Variants in DNAH6 observed in about 807,000 individuals in gnomAD.
DNAH6 encodes the protein axonemal beta dynein heavy chain 6.
A neutral mutation model predicts 491.4 loss-of-function variants in DNAH6; 340 were observed. The observed-to-expected ratio is 0.69, with a 90% CI of 0.63 to 0.76. The LOEUF is 0.76. Among genes scored for constraint, DNAH6 ranks in the 30% least tolerant of loss-of-function variants. The pLI, the probability that DNAH6 is intolerant of heterozygous loss-of-function variation, is 0.00. For synonymous variants in DNAH6, 1,603 were observed against 1,686.1 expected (o/e 0.95, Z 1.21); for missense variants, 4,443 against 4,972.2 (o/e 0.89, Z 3.20).
chr2:84,730,116 G>A (rs1699003951), intron 61 of DNAH6, among the ~76,000 whole-genome samples: 1 of 152,176 alleles, frequency 6.6e-6, no homozygotes, highest in Non-Finnish European at 1.5e-5. Flanking sequence ...ATCTGGAGTT[G>A]ACTGGATGCA....
intron 59 of DNAH6, among the ~76,000 whole-genome samples, chr2:84,721,686 A>C (rs1698178865): frequency 6.6e-6 from 1 of 152,192 alleles, no homozygotes; most frequent in Admixed American, 6.5e-5. Context: ...TTTTATCTTT[A>C]ATAAATTTAG....
chr2:84,727,862 A>C lies in DNAH6; in HGVS notation c.10166A>C (p.Glu3389Ala). The C allele has an allele frequency of 6.4e-7, 1 of 1,552,070 alleles. No individual in the cohort carries two copies. The highest frequency in any genetic ancestry group is 1.7e-4 in the Middle Eastern group (1 of 5,994). ...MRQQGTLSDA[E>A]WNFFLRGSAG... ...CAGCAAGGAACCCTATCTGATGCTG[A>C]ATGGAATTTCTTTCTCCGAGGTTCT... The change falls in exon 61 of 77, where the codon GAA (glutamate) becomes GCA (alanine). Residue 3389 changes from glutamate (E) to alanine (A), a missense_variant. Glu to Ala is a moderately radical substitution (Grantham distance 107). Coordinates refer to ENST00000389394, the MANE Select transcript of DNAH6 (RefSeq NM_001370.2).
chr2:84,547,168 G>T, intron 5 of DNAH6, 100 bp from the exon 6 acceptor site: 2 of 976,342 alleles, frequency 2.0e-6, no homozygotes, highest in Non-Finnish European at 1.5e-6. Flanking sequence ...ACACACAGAG[G>T]TGTTTATTAT....
chr2:84,605,378 AG>A, intron 19 of DNAH6, 121 bp from the exon 20 acceptor site: 1 of 579,166 alleles, frequency 1.7e-6, no homozygotes, highest in Non-Finnish European at 2.9e-6. Flanking sequence ...AAAGAATTTT[AG>A]AGAGCAATAA....
chr2:84,683,424 T>A lies in DNAH6; in HGVS notation c.6916+1896T>A, dbSNP rs867254521. On this transcript the variant is annotated intron_variant, in intron 42 of 76. Coordinates refer to ENST00000389394, the MANE Select transcript of DNAH6 (RefSeq NM_001370.2). Reference sequence around the variant, plus strand: ...CTACACCACTCTTATTTTTTTTTTTTTTTTTTTTTTTTTTTGAGATAGAGT... The same window carrying A: ...CTACACCACTCTTATTTTTTTTTTTATTTTTTTTTTTTTTTGAGATAGAGT... Among the ~76,000 whole-genome samples, 550 of 146,006 alleles carry A rather than the reference T, an allele frequency of 3.8e-3. 5 individuals are homozygous for A. The highest frequency in any genetic ancestry group is 0.013 in the African/African-American group (514 of 38,886).
chr2:84,656,813 G>A (rs1289994080), intron 35 of DNAH6, among the ~76,000 whole-genome samples: 1 of 151,826 alleles, frequency 6.6e-6, no homozygotes, highest in Non-Finnish European at 1.5e-5. Context: ...TCTCTTAACA[G>A]TGTGTTTCAC....
chr2:84,504,572 T>G, the DNAH6 span, among the ~76,000 whole-genome samples: 13 of 152,292 alleles, frequency 8.5e-5, no homozygotes, highest in African/African-American at 2.6e-4. Context: ...TCCAGATATT[T>G]GAAAGGACTT....
At position 84,762,903 on chromosome 2, in the gene DNAH6, G is replaced by A. The variant is rs1674724901; in HGVS notation, c.10661G>A (p.Gly3554Asp). 1.9e-6 allele frequency: 3 copies of A among 1,551,412 alleles called. No homozygotes were observed. The highest frequency in any genetic ancestry group is 2.4e-5 in the South Asian group (2 of 84,030). ...CTAAGCACAGGCTCAGATCCCATGG[G>A]TGCATTTCAGAGGTTTGCCAGGGAA... ...FILSTGSDPMGAFQRFARESG... is the reference protein window; with the variant it reads ...FILSTGSDPMDAFQRFARESG... The change falls in exon 64 of 77, where the codon GGT (glycine) becomes GAT (aspartate). Residue 3554 changes from glycine to aspartate, a missense_variant. Physicochemically the swap from Gly to Asp is moderately conservative, Grantham distance 94 (BLOSUM62 -1). Coordinates refer to ENST00000389394, the MANE Select transcript of DNAH6 (RefSeq NM_001370.2).
intron 16 of DNAH6, among the ~76,000 whole-genome samples, chr2:84,593,356 A>G (rs2104153559): frequency 6.6e-6 from 1 of 152,306 alleles, no homozygotes; most frequent in South Asian, 2.1e-4. Flanking sequence ...GTCAAAGCAC[A>G]AGAATTTCTG....
intron 76 of DNAH6, 84 bp from the exon 77 acceptor site, chr2:84,819,221 G>A: frequency 1.0e-6 from 1 of 971,406 alleles, no homozygotes; most frequent in African/African-American, 1.7e-5. Flanking sequence ...GAACCCAGAT[G>A]TCTTGACTCT....
chr2:84,547,620 G>C lies in DNAH6; in HGVS notation c.1186+8G>C, dbSNP rs1197008683. 1 of 1,551,492 alleles carries C rather than the reference G, an allele frequency of 6.4e-7. No individual in the cohort carries two copies. Among genetic ancestry groups the C allele is most frequent in the East Asian group, 2.4e-5 (1 of 40,916 alleles). On this transcript the variant is annotated splice_region_variant and intron_variant, in intron 7 of 76. Coordinates refer to ENST00000389394, the MANE Select transcript of DNAH6 (RefSeq NM_001370.2). ...CATTTGGACCTTTTGAGGGTATGAA[G>C]GGGAAAGAACCTCAATATATCAGAA...
chr2:84,815,820 T>C, intron 75 of DNAH6, 41 bp from the exon 76 acceptor site: 1 of 1,452,382 alleles, frequency 6.9e-7, no homozygotes. Context: ...TGCTGATCCC[T>C]TTTCCCCCAT....
At chr2:84,569,464 T>G (rs1425486521) in intron 11 of DNAH6, among the ~76,000 whole-genome samples, 1 of 152,046 alleles carries the variant, frequency 6.6e-6, no homozygotes, top group Non-Finnish European at 1.5e-5. Flanking sequence ...GAGTATACCT[T>G]TTAATATAGT....
At chr2:84,710,494 C>A (rs1358146602) in intron 56 of DNAH6, 82 bp downstream of exon 56, 3 of 1,372,578 alleles carry the variant, frequency 2.2e-6, no homozygotes, top group Admixed American at 4.3e-5. Context: ...ACATCCCCAT[C>A]ATGCTAAAGA....
chr2:84,719,869 A>AACAC (rs72442165), intron 59 of DNAH6, among the ~76,000 whole-genome samples: 6,342 of 144,720 alleles, frequency 0.044, 165 homozygotes, highest in Middle Eastern at 0.075. Context: ...CTGTACCTCT[A>AACAC]ACACACACAC....
intron 29 of DNAH6, among the ~76,000 whole-genome samples, chr2:84,630,519 A>C (rs780717453): frequency 7.9e-5 from 12 of 151,642 alleles, no homozygotes; most frequent in Non-Finnish European, 1.6e-4. Context: ...TAAATATGGA[A>C]TCAGGGGAAT....
chr2:84,657,689 G>A (rs1691108246), intron 35 of DNAH6, among the ~76,000 whole-genome samples: 1 of 151,968 alleles, frequency 6.6e-6, no homozygotes, highest in Non-Finnish European at 1.5e-5. Flanking sequence ...AATTACCTAT[G>A]AGTTCCAGTT....
intron 70 of DNAH6, 147 bp from the exon 71 acceptor site, chr2:84,805,518 A>T: frequency 3.0e-6 from 2 of 663,820 alleles, no homozygotes; most frequent in East Asian, 3.3e-5. Context: ...ATCTCATGTT[A>T]ATTGTTCTTA....
chr2:84,808,384 C>T lies in DNAH6; in HGVS notation c.11612-31C>T. On this transcript the variant is annotated intron_variant, in intron 71 of 76. Transcript: ENST00000389394. ...TATTGTGAGAACAAATCAATGGTGA[C>T]TGGCCTGAGGAATCGCTGTGTATGT... 3 of 1,485,486 alleles carry T rather than the reference C, an allele frequency of 2.0e-6. No individual in the cohort carries two copies. The South Asian group carries it at 4.2e-5, about 21-fold the overall frequency. The allele number at this position is 1,485,486 out of a possible 1,614,324, so 92.0% of individuals were successfully genotyped here.
Sources: allele counts gnomAD v4.1 joint callset (sites outside exome capture counted in the v4.1 genomes callset), GRCh38; gene constraint gnomAD v4.1.1; transcripts MANE v1.5; gene names NCBI Gene and HGNC (gene_info 2026-07-23, HGNC 2026-07-21).